The following METTL21C variants were observed in gnomAD, a reference collection of about 807,000 sequenced individuals.
METTL21C encodes methyltransferase 21C, AARS1 lysine.
METTL21C carries 21 observed loss-of-function variants against 25.9 expected under a neutral mutation model. The observed-to-expected ratio is 0.81, with a 90% CI of 0.58 to 1.17. METTL21C has a LOEUF of 1.17. Among genes scored for constraint, METTL21C ranks in the 50% most tolerant of loss-of-function variants. METTL21C has a pLI of 0.00. For missense variants in METTL21C, 312 were observed against 315.1 expected (o/e 0.99, Z 0.07); for synonymous variants, 125 against 124.7 (o/e 1.00, Z -0.01).
upstream of METTL21C, among the ~76,000 whole-genome samples, chr13:102,695,156 G>C (rs955257609): frequency 3.3e-5 from 5 of 152,074 alleles, no homozygotes; most frequent in African/African-American, 1.2e-4. Context: ...TGCCCACCCA[G>C]CCTCTGCCTA....
In METTL21C at chr13:102,694,311, T is replaced by G. The variant is rs1414283477; in HGVS notation, c.130+58A>C. On this transcript the variant is annotated intron_variant, in intron 1 of 3. Transcript: ENST00000267273. ...CTTGTCACTGAAATTTACTTGAAGA[T>G]GTCATCGCCAGGAAAACAACTGAGG... 2.6e-6 allele frequency: 4 copies of G among 1,557,192 alleles called. No individual in the cohort carries two copies. In the East Asian group the frequency reaches 9.7e-5, roughly 38 times the overall value.
Position 102,690,961 on chromosome 13 carries a change from G to A in METTL21C, c.134C>T (p.Ser45Phe). ...ATGAAGAGATGGTTCTATCTTGTTGGATTCTGTGAAGCAGAAAAATAAAAT... is the reference window on the plus strand; with the variant it reads ...ATGAAGAGATGGTTCTATCTTGTTGAATTCTGTGAAGCAGAAAAATAAAAT... ...KDSTGGVLEE[S>F]NKIEPSLHSL... is the part of the protein sequence containing the mutation. Residue 45 changes from serine to phenylalanine, a missense_variant, in exon 2 of 4, where the codon TCC (serine) becomes TTC (phenylalanine). Transcript: ENST00000267273. 1 of 1,613,406 alleles carries A rather than the reference G, an allele frequency of 6.2e-7. No homozygotes were observed. Among genetic ancestry groups the A allele is most frequent in the East Asian group, 2.2e-5 (1 of 44,870 alleles).
intron 1 of METTL21C, among the ~76,000 whole-genome samples, chr13:102,693,389 G>A (rs1287535369): frequency 6.6e-6 from 1 of 152,156 alleles, no homozygotes; most frequent in Non-Finnish European, 1.5e-5. Flanking sequence ...ACACCACTGG[G>A]TGGTGGCTCA....
intron 1 of METTL21C, among the ~76,000 whole-genome samples, chr13:102,693,173 C>T (rs918800366): frequency 6.6e-6 from 1 of 152,110 alleles, no homozygotes; most frequent in African/African-American, 2.4e-5. Context: ...ACACGATTAA[C>T]CTCGAGAGCA....
intron 1 of METTL21C, among the ~76,000 whole-genome samples, chr13:102,693,374 C>T (rs571236206): frequency 6.6e-6 from 1 of 152,304 alleles, no homozygotes; most frequent in South Asian, 2.1e-4. Flanking sequence ...CAAGCCGTCG[C>T]CAGCACACCA....
At chr13:102,689,762 C>T (rs595825) in intron 2 of METTL21C, among the ~76,000 whole-genome samples, 24,477 of 152,192 alleles carry the variant, frequency 0.16, 2,186 homozygotes, top group African/African-American at 0.22. Flanking sequence ...GACTGGCCTG[C>T]GTTCCCATTT....
chr13:102,695,340 A>T (rs934786516), upstream of METTL21C, among the ~76,000 whole-genome samples: 1 of 152,218 alleles, frequency 6.6e-6, no homozygotes, highest in Non-Finnish European at 1.5e-5. Flanking sequence ...AAACTCTTCC[A>T]AGAAAAAGTA....
chr13:102,686,922 A>G lies in METTL21C; in HGVS notation c.400+18T>C. 1 of 1,573,190 alleles carries G rather than the reference A, an allele frequency of 6.4e-7. No individual in the cohort carries two copies. Among genetic ancestry groups the G allele is most frequent in the Non-Finnish European group, 8.8e-7 (1 of 1,142,766 alleles). On this transcript the variant is annotated intron_variant, in intron 3 of 3. Coordinates refer to ENST00000267273, the MANE Select transcript of METTL21C (RefSeq NM_001010977.3). ...ACAGTAAAGATCTGGATACTAGGTC[A>G]GGAATAAACAAACAAACCTAAAATA...
At chr13:102,692,756 G>T (rs916074803) in intron 1 of METTL21C, among the ~76,000 whole-genome samples, 2 of 152,140 alleles carry the variant, frequency 1.3e-5, no homozygotes, top group African/African-American at 4.8e-5. Flanking sequence ...CTTGCAAGAC[G>T]CCTCTAATAA....
upstream of METTL21C, among the ~76,000 whole-genome samples, chr13:102,700,024 A>T (rs1886008033): frequency 6.6e-6 from 1 of 152,220 alleles, no homozygotes; most frequent in Admixed American, 6.5e-5. Context: ...CCACCTGCAG[A>T]GAAAGGAATT....
intron 1 of METTL21C, among the ~76,000 whole-genome samples, chr13:102,691,506 C>T (rs913556566): frequency 3.9e-5 from 6 of 152,254 alleles, no homozygotes; most frequent in Admixed American, 1.3e-4. Context: ...TGCGCCACCA[C>T]GCCCAGCTAA....
chr13:102,702,611 G>T, the METTL21C span, among the ~76,000 whole-genome samples: 1 of 151,164 alleles, frequency 6.6e-6, no homozygotes. Context: ...TTTTGAGACG[G>T]AGTCTCGCTC....
chr13:102,686,555 T>G, intron 3 of METTL21C, 130 bp from the exon 4 acceptor site: 1 of 1,074,670 alleles, frequency 9.3e-7, no homozygotes, highest in African/African-American at 1.6e-5. Context: ...TGGACATGTT[T>G]GACCTAATGT....
At chr13:102,687,717 C>T (rs369832233) in intron 2 of METTL21C, among the ~76,000 whole-genome samples, 66 of 152,302 alleles carry the variant, frequency 4.3e-4, no homozygotes, top group Non-Finnish European at 8.4e-4. Flanking sequence ...AGATCCTGCA[C>T]GTCTAAACAA....
At chr13:102,691,111 T>C (rs1595244634) in intron 1 of METTL21C, 147 bp from the exon 2 acceptor site, 3 of 870,956 alleles carry the variant, frequency 3.4e-6, no homozygotes, top group African/African-American at 3.4e-5. Flanking sequence ...CGGCTGCAAA[T>C]TGGCACAAAA....
upstream of METTL21C, among the ~76,000 whole-genome samples, chr13:102,695,240 A>G (rs1288576657): frequency 6.6e-6 from 1 of 152,186 alleles, no homozygotes; most frequent in Non-Finnish European, 1.5e-5. Context: ...GGAGGAAGAA[A>G]GGAGAGCATC....
At position 102,688,031 on chromosome 13, in the gene METTL21C, A is replaced by G. The variant is rs114586830; in HGVS notation, c.283-974T>C. On this transcript the variant is annotated intron_variant, in intron 2 of 3. Coordinates refer to ENST00000267273, the MANE Select transcript of METTL21C (RefSeq NM_001010977.3). Reference sequence around the variant, plus strand: ...TTATGAGAAGAAATGACAAAAAGTTACTTAAATTTGAGTATAAATAGCCCA... The same window carrying G: ...TTATGAGAAGAAATGACAAAAAGTTGCTTAAATTTGAGTATAAATAGCCCA... Among the ~76,000 whole-genome samples the G allele has an allele frequency of 7.5e-3, 1,135 of 152,342 alleles. 6 individuals carry two copies. Among genetic ancestry groups the G allele is most frequent in the Middle Eastern group, 0.051 (15 of 294 alleles).
At position 102,694,674 on chromosome 13, in the gene METTL21C, T is replaced by C. The variant is rs1191337832; in HGVS notation, c.-176A>G. Among the ~76,000 whole-genome samples, 1 of 151,692 alleles carries C rather than the reference T, an allele frequency of 6.6e-6. No homozygotes were observed. The highest frequency in any genetic ancestry group is 2.0e-4 in the East Asian group (1 of 5,048). ...TATGCCCAAAATAATTTTGAATTGT[T>C]ACACGTATCTTTACCTTATGCAGCA... On this transcript the variant is annotated 5_prime_UTR_variant, in exon 1 of 4. Coordinates refer to ENST00000267273, the MANE Select transcript of METTL21C (RefSeq NM_001010977.3).
Position 102,694,350 on chromosome 13 carries a change from T to A in METTL21C, c.130+19A>T. Reference sequence around the variant, plus strand: ...AAACAACTGAGGAAAACTGTTGAAGTGATGAAGAAGGAGGTTACCTTCTAG... The same window carrying A: ...AAACAACTGAGGAAAACTGTTGAAGAGATGAAGAAGGAGGTTACCTTCTAG... On this transcript the variant is annotated intron_variant, in intron 1 of 3. Coordinates refer to ENST00000267273, the MANE Select transcript of METTL21C (RefSeq NM_001010977.3). The A allele has an allele frequency of 6.3e-7, 1 of 1,598,190 alleles. No homozygotes were observed. Among genetic ancestry groups the A allele is most frequent in the Middle Eastern group, 1.7e-4 (1 of 5,996 alleles).
Sources: allele counts gnomAD v4.1 joint callset (sites outside exome capture counted in the v4.1 genomes callset), GRCh38; gene constraint gnomAD v4.1.1; transcripts MANE v1.5; gene names NCBI Gene and HGNC (gene_info 2026-07-23, HGNC 2026-07-21).